SHLD1: variants seen among roughly 807,000 people sequenced by gnomAD.
SHLD1 encodes the protein shieldin complex subunit 1.
A neutral mutation model predicts 5.5 loss-of-function variants in SHLD1; 3 were observed. The observed-to-expected ratio is 0.54, with a 90% CI of 0.25 to 1.40. SHLD1 has a LOEUF of 1.40. Among genes scored for constraint, SHLD1 ranks in the 40% most tolerant of loss-of-function variants. SHLD1 has a pLI of 0.15. For missense variants in SHLD1, 210 were observed against 244.4 expected, an observed-to-expected ratio of 0.86 and a Z score of 0.94; for synonymous variants, 92 against 94.3, an observed-to-expected ratio of 0.98 and a Z score of 0.14.
chr20:5,773,202 C>A, intron 2 of SHLD1, 159 bp downstream of exon 2: 4 of 816,788 alleles, frequency 4.9e-6, no homozygotes, highest in Non-Finnish European at 8.4e-6. Context: ...TCAGGAGGAA[C>A]TTCAAAGGAC....
At chr20:5,825,605 T>G (rs538796177) in intron 2 of SHLD1, among the ~76,000 whole-genome samples, 11 of 152,228 alleles carry the variant, frequency 7.2e-5, no homozygotes, top group Non-Finnish European at 1.3e-4. Flanking sequence ...GCCGGCACAG[T>G]GGCTCATGCC....
At chr20:5,755,485 G>T (rs1051368881) in intron 1 of SHLD1, among the ~76,000 whole-genome samples, 2 of 152,128 alleles carry the variant, frequency 1.3e-5, no homozygotes, top group Non-Finnish European at 2.9e-5. Context: ...TGGAAAAATT[G>T]TCTTCCATGA....
chr20:5,839,639 C>T (rs1337362781), intron 2 of SHLD1, among the ~76,000 whole-genome samples: 1 of 152,174 alleles, frequency 6.6e-6, no homozygotes, highest in African/African-American at 2.4e-5. Context: ...GCTCCCTAGA[C>T]CATAAAAGCT....
At chr20:5,823,714 T>C (rs184913065) in intron 2 of SHLD1, among the ~76,000 whole-genome samples, 4 of 152,172 alleles carry the variant, frequency 2.6e-5, no homozygotes, top group Admixed American at 2.6e-4. Flanking sequence ...TCCCACACTG[T>C]TGGGATTACA....
At chr20:5,854,375 T>C (rs1187297025) in intron 2 of SHLD1, among the ~76,000 whole-genome samples, 1 of 152,220 alleles carries the variant, frequency 6.6e-6, no homozygotes, top group Non-Finnish European at 1.5e-5. Flanking sequence ...CTCAAACTCC[T>C]GAACTCACGT....
Position 5,863,394 on chromosome 20 carries a change from G to A in SHLD1, c.549G>A (p.Lys183=), listed in dbSNP as rs1333036869. 6.2e-7 allele frequency: 1 copy of A among 1,614,042 alleles called. No homozygotes were observed. Among genetic ancestry groups the A allele is most frequent in the Non-Finnish European group, 8.5e-7 (1 of 1,179,962 alleles). Residue 183 remains lysine (K), a synonymous_variant, in exon 3 of 3, where the codon AAG becomes AAA. Coordinates refer to ENST00000303142, the MANE Select transcript of SHLD1 (RefSeq NM_152504.4). The stretch of plus-strand genomic sequence containing the variant: ...GAAGTACATCTTTGGATGATGAAAA[G>A]CCAAACCCAGGACTGTCAAAGGATA... The part of the protein sequence containing the change: ...EEGSTSLDDE[K]PNPGLSKDIT...
chr20:5,853,556 G>A (rs748115804), intron 2 of SHLD1, among the ~76,000 whole-genome samples: 6 of 152,080 alleles, frequency 3.9e-5, no homozygotes, highest in Non-Finnish European at 5.9e-5. Context: ...ACAAGGCCAC[G>A]GTTATCTGTT....
At chr20:5,828,239 C>G (rs749642208) in intron 2 of SHLD1, among the ~76,000 whole-genome samples, 6 of 152,164 alleles carry the variant, frequency 3.9e-5, no homozygotes, top group Non-Finnish European at 7.3e-5. Flanking sequence ...TGGGTTCTAC[C>G]TCCTCTTCTA....
At chr20:5,843,361 C>T (rs1287022) in intron 2 of SHLD1, among the ~76,000 whole-genome samples, 58,969 of 143,358 alleles carry the variant, frequency 0.41, 13,643 homozygotes, top group African/African-American at 0.66. Context: ...TCTTTTTTTT[C>T]TCTCTCTCTC....
At chr20:5,816,871 A>G (rs1025057275) in intron 2 of SHLD1, among the ~76,000 whole-genome samples, 2 of 152,110 alleles carry the variant, frequency 1.3e-5, no homozygotes, top group Non-Finnish European at 2.9e-5. Flanking sequence ...GGAGTTCAAG[A>G]CCAGCCTGGG....
intron 2 of SHLD1, among the ~76,000 whole-genome samples, chr20:5,827,931 A>C (rs1350043469): frequency 1.3e-5 from 2 of 152,236 alleles, no homozygotes; most frequent in African/African-American, 2.4e-5. Flanking sequence ...TCATCTCTGC[A>C]TTCCTTTGTG....
rs533313849 is a variant in SHLD1, at chr20:5,775,923, A to AT, written c.178+2902dup. 5.0e-3 allele frequency among the ~76,000 whole-genome samples: 386 copies of AT among 77,674 alleles called. 31 individuals are homozygous for AT. Among genetic ancestry groups the AT allele is most frequent in the African/African-American group, 0.011 (179 of 16,796 alleles). The allele number at this position is 77,674 out of a possible 152,430, so 51.0% of individuals were successfully genotyped here. ...TGCAGTACTGCCTGGTCAGCTCAGGATTTTTTTTTTTTTTTTTTTTTTGAG... is the reference window on the plus strand; with the variant it reads ...TGCAGTACTGCCTGGTCAGCTCAGGATTTTTTTTTTTTTTTTTTTTTTTGAG... On this transcript the variant is annotated intron_variant, in intron 2 of 2. Coordinates refer to ENST00000303142, the MANE Select transcript of SHLD1 (RefSeq NM_152504.4).
At chr20:5,800,145 T>G (rs2087271290) in intron 2 of SHLD1, among the ~76,000 whole-genome samples, 1 of 152,188 alleles carries the variant, frequency 6.6e-6, no homozygotes. Flanking sequence ...CATGATACAA[T>G]GCACAGTGCA....
chr20:5,830,549 G>A lies in SHLD1; in HGVS notation c.179-32475G>A, dbSNP rs371365285. Among the ~76,000 whole-genome samples the A allele has an allele frequency of 1.4e-4, 22 of 152,182 alleles. No individual in the cohort carries two copies. In the Middle Eastern group the frequency reaches 0.01, roughly 71 times the overall value. Reference sequence around the variant, plus strand: ...ACTAAAAATACAAAATTAGCCAGGCGTAGTGGCACATGCCTGTAATCTCAG... The same window carrying A: ...ACTAAAAATACAAAATTAGCCAGGCATAGTGGCACATGCCTGTAATCTCAG... On this transcript the variant is annotated intron_variant, in intron 2 of 2. Coordinates refer to ENST00000303142, the MANE Select transcript of SHLD1 (RefSeq NM_152504.4).
At chr20:5,768,501 T>C (rs979594488) in intron 1 of SHLD1, among the ~76,000 whole-genome samples, 1 of 152,198 alleles carries the variant, frequency 6.6e-6, no homozygotes, top group Non-Finnish European at 1.5e-5. Flanking sequence ...GAGGGAAGGG[T>C]CTGTGACATT....
intron 2 of SHLD1, among the ~76,000 whole-genome samples, chr20:5,846,399 T>G (rs1244646527): frequency 6.6e-6 from 1 of 152,248 alleles, no homozygotes; most frequent in African/African-American, 2.4e-5. Flanking sequence ...CTTAATTAGC[T>G]GCTCACATTT....
At chr20:5,795,132 G>A (rs1013755458) in intron 2 of SHLD1, among the ~76,000 whole-genome samples, 7 of 151,814 alleles carry the variant, frequency 4.6e-5, no homozygotes, top group East Asian at 3.9e-4. Context: ...CCAGCTACTC[G>A]GGGGGCTGAG....
chr20:5,847,240 T>C (rs2087942974), intron 2 of SHLD1, among the ~76,000 whole-genome samples: 1 of 152,314 alleles, frequency 6.6e-6, no homozygotes, highest in South Asian at 2.1e-4. Flanking sequence ...GTCTCAATTT[T>C]CTCATCTGGA....
intron 1 of SHLD1, among the ~76,000 whole-genome samples, chr20:5,767,538 T>C (rs73594811): frequency 0.016 from 2,390 of 152,326 alleles, 36 homozygotes; most frequent in African/African-American, 0.039. Context: ...ACCTCATTCA[T>C]GTGCTCTTCC....
Sources: gnomAD v4.1 joint callset for allele counts (sites outside exome capture counted in the v4.1 genomes callset) on GRCh38, gnomAD v4.1.1 for gene constraint, MANE v1.5 for transcripts, NCBI Gene and HGNC (gene_info 2026-07-23, HGNC 2026-07-21) for gene names.